PTPRD: variants seen among roughly 807,000 people sequenced by gnomAD.
PTPRD encodes receptor-type tyrosine-protein phosphatase delta.
PTPRD carries 34 observed loss-of-function variants against 214.5 expected under a neutral mutation model. That is an observed-to-expected ratio of 0.16 (90% CI 0.12 to 0.21). The LOEUF (loss-of-function observed/expected upper bound fraction) is 0.21, where lower values mean the gene tolerates loss of function less well. PTPRD is among the 10% of genes least tolerant of loss of function. PTPRD has a pLI of 1.00. For missense variants in PTPRD, 2,545 were observed against 2,398.7 expected (o/e 1.06, Z -1.27); for synonymous variants, 1,128 against 845.7 (o/e 1.33, Z -5.79).
chr9:8,479,653 G>A (rs2096839147), intron 30 of PTPRD, among the ~76,000 whole-genome samples: 1 of 152,174 alleles, frequency 6.6e-6, no homozygotes, highest in Non-Finnish European at 1.5e-5. Context: ...GACTAAAAGT[G>A]CCAATTTCCA....
At chr9:9,512,388 A>G (rs2096730883) in intron 8 of PTPRD, among the ~76,000 whole-genome samples, 1 of 151,868 alleles carries the variant, frequency 6.6e-6, no homozygotes, top group African/African-American at 2.4e-5. Context: ...ATCTTTTTAA[A>G]GAGATAAAGT....
chr9:9,971,339 C>G (rs1025659421), intron 4 of PTPRD, among the ~76,000 whole-genome samples: 3 of 152,044 alleles, frequency 2.0e-5, no homozygotes, highest in Non-Finnish European at 2.9e-5. Context: ...AGCGGTATGG[C>G]TATATTTGGA....
At chr9:8,751,300 T>G (rs2093499536) in intron 11 of PTPRD, among the ~76,000 whole-genome samples, 1 of 151,846 alleles carries the variant, frequency 6.6e-6, no homozygotes, top group African/African-American at 2.4e-5. Context: ...AAAACGCAAA[T>G]GGAAAAAATC....
intron 4 of PTPRD, among the ~76,000 whole-genome samples, chr9:9,981,961 G>C (rs1191283816): frequency 1.3e-5 from 2 of 152,136 alleles, no homozygotes; most frequent in African/African-American, 4.8e-5. Flanking sequence ...CACAGGGCAT[G>C]ACACATTATT....
At chr9:9,075,184 T>C (rs921815695) in intron 10 of PTPRD, among the ~76,000 whole-genome samples, 9 of 152,212 alleles carry the variant, frequency 5.9e-5, no homozygotes, top group Admixed American at 2.6e-4. Flanking sequence ...AGTAGGTGTA[T>C]ATATTTTTAG....
chr9:8,948,469 A>ATATT (rs1491217928), intron 11 of PTPRD, among the ~76,000 whole-genome samples: 302 of 7,006 alleles, frequency 0.043, 50 homozygotes, highest in East Asian at 0.37. Flanking sequence ...ATATATTTAC[A>ATATT]TATATATATA....
intron 14 of PTPRD, among the ~76,000 whole-genome samples, chr9:8,553,022 A>G (rs892401754): frequency 6.6e-6 from 1 of 152,196 alleles, no homozygotes; most frequent in African/African-American, 2.4e-5. Context: ...GAGAGACAGT[A>G]TAAATCACTT....
chr9:8,344,169 C>G (rs1229910416), intron 39 of PTPRD, among the ~76,000 whole-genome samples: 1 of 152,072 alleles, frequency 6.6e-6, no homozygotes, highest in Non-Finnish European at 1.5e-5. Context: ...TCTGTGTTGT[C>G]TTTCTAAATT....
chr9:8,376,164 G>A (rs2134853885), intron 38 of PTPRD, 74 bp from the exon 39 acceptor site: 1 of 1,543,124 alleles, frequency 6.5e-7, no homozygotes, highest in Non-Finnish European at 8.8e-7. Context: ...CAGGGAAGAG[G>A]TAATGCTAAA....
chr9:8,884,358 G>C (rs1272880585), intron 11 of PTPRD, among the ~76,000 whole-genome samples: 1 of 152,188 alleles, frequency 6.6e-6, no homozygotes, highest in Non-Finnish European at 1.5e-5. Flanking sequence ...GCAGGCATTG[G>C]GAAGCCTGGA....
At chr9:8,464,196 C>G (rs1264868628) in intron 32 of PTPRD, among the ~76,000 whole-genome samples, 3 of 151,946 alleles carry the variant, frequency 2.0e-5, no homozygotes, top group Non-Finnish European at 4.4e-5. Context: ...GCTAGATTCT[C>G]TGATCTACCT....
chr9:9,249,995 T>C (rs113970743), intron 9 of PTPRD, among the ~76,000 whole-genome samples: 14 of 152,236 alleles, frequency 9.2e-5, no homozygotes, highest in African/African-American at 3.1e-4. Flanking sequence ...ATGCTTTAGA[T>C]ACACATTAAA....
intron 3 of PTPRD, among the ~76,000 whole-genome samples, chr9:10,082,601 C>A (rs993158992): frequency 4.6e-5 from 7 of 151,910 alleles, no homozygotes; most frequent in Non-Finnish European, 1.0e-4. Context: ...ATATGCATCT[C>A]AAGTTTGAGC....
At chr9:8,629,773 G>C (rs1382202773) in intron 14 of PTPRD, among the ~76,000 whole-genome samples, 2 of 151,704 alleles carry the variant, frequency 1.3e-5, no homozygotes, top group Non-Finnish European at 2.9e-5. Flanking sequence ...GAAGACATAA[G>C]CCCTACATTC....
At chr9:8,416,320 T>C (rs964898357) in intron 35 of PTPRD, among the ~76,000 whole-genome samples, 1 of 152,154 alleles carries the variant, frequency 6.6e-6, no homozygotes, top group Middle Eastern at 3.2e-3. Flanking sequence ...CACACACATA[T>C]AAAAACCTAG....
intron 5 of PTPRD, among the ~76,000 whole-genome samples, chr9:9,817,327 T>C (rs970081465): frequency 4.6e-5 from 7 of 152,142 alleles, no homozygotes; most frequent in African/African-American, 9.7e-5. Flanking sequence ...AACATACTTA[T>C]ATAATATTAA....
chr9:10,480,341 A>G, intron 2 of PTPRD, among the ~76,000 whole-genome samples: 1 of 152,318 alleles, frequency 6.6e-6, no homozygotes, highest in East Asian at 1.9e-4. Context: ...AAAGACCATC[A>G]TATTCCCACC....
intron 8 of PTPRD, among the ~76,000 whole-genome samples, chr9:9,565,771 G>A (rs1399035463): frequency 6.6e-6 from 1 of 151,716 alleles, no homozygotes; most frequent in Non-Finnish European, 1.5e-5. Context: ...TTGTAAAAAA[G>A]GAAACAGAAC....
chr9:9,818,542 T>A (rs117807972), intron 5 of PTPRD, among the ~76,000 whole-genome samples: 2 of 152,096 alleles, frequency 1.3e-5, no homozygotes, highest in Non-Finnish European at 2.9e-5. Flanking sequence ...CAGAGAGAGA[T>A]AGAAAGAGGC....
Sources: gnomAD v4.1 joint callset for allele counts (sites outside exome capture counted in the v4.1 genomes callset) on GRCh38, gnomAD v4.1.1 for gene constraint, MANE v1.5 for transcripts, NCBI Gene and HGNC (gene_info 2026-07-23, HGNC 2026-07-21) for gene names.